Variants in SLC4A4 observed in about 807,000 individuals in gnomAD.
SLC4A4 encodes the protein electrogenic sodium bicarbonate cotransporter 1.
Under a neutral mutation model 111.5 loss-of-function variants are expected in SLC4A4, and 27 were observed. That is an observed-to-expected ratio of 0.24 (90% CI 0.18 to 0.33). The LOEUF (loss-of-function observed/expected upper bound fraction) is 0.33. SLC4A4 is among the 10% of genes least tolerant of loss of function. The pLI, the probability that SLC4A4 is intolerant of heterozygous loss-of-function variation, is 1.00. For synonymous variants in SLC4A4, 443 were observed against 463.4 expected, an observed-to-expected ratio of 0.96 and a Z score of 0.57; for missense variants, 909 against 1,315.5, an observed-to-expected ratio of 0.69 and a Z score of 4.78.
intron 3 of SLC4A4, among the ~76,000 whole-genome samples, chr4:71,338,334 C>G (rs964836586): frequency 7.2e-5 from 11 of 152,054 alleles, no homozygotes; most frequent in African/African-American, 2.4e-4. Flanking sequence ...TATATTTCTA[C>G]AAATTTATAT....
chr4:71,182,012 A>G (rs189196167), intron 2 of SLC4A4, among the ~76,000 whole-genome samples: 136 of 152,318 alleles, frequency 8.9e-4, no homozygotes, highest in African/African-American at 3.2e-3. Context: ...CATAGCATTT[A>G]TCACTTCATT....
At chr4:71,403,043 C>T (rs1025117009) in intron 7 of SLC4A4, among the ~76,000 whole-genome samples, 7 of 152,108 alleles carry the variant, frequency 4.6e-5, no homozygotes, top group South Asian at 2.1e-4. Flanking sequence ...GTTGCATCTC[C>T]GCATTTATTA....
At chr4:71,081,419 A>G (rs1741990094) in intron 1 of SLC4A4, among the ~76,000 whole-genome samples, 1 of 152,132 alleles carries the variant, frequency 6.6e-6, no homozygotes, top group Admixed American at 6.5e-5. Flanking sequence ...GAAAACTGTG[A>G]TGCTGTCACA....
intron 16 of SLC4A4, among the ~76,000 whole-genome samples, chr4:71,505,600 G>A (rs549454422): frequency 2.2e-4 from 34 of 151,700 alleles, no homozygotes; most frequent in Admixed American, 9.2e-4. Flanking sequence ...GACCTTTGTC[G>A]GATACATAGT....
chr4:71,304,629 G>T (rs1347817008), intron 3 of SLC4A4, among the ~76,000 whole-genome samples: 5 of 152,178 alleles, frequency 3.3e-5, no homozygotes, highest in African/African-American at 1.2e-4. Flanking sequence ...AAAATTAATT[G>T]TCACATAATT....
chr4:71,236,983 G>A (rs1040498882), intron 2 of SLC4A4, among the ~76,000 whole-genome samples: 4 of 152,294 alleles, frequency 2.6e-5, no homozygotes, highest in African/African-American at 9.6e-5. Flanking sequence ...AAAGCTGCTC[G>A]ATTTATATAA....
At chr4:71,423,584 C>G (rs559552601) in intron 7 of SLC4A4, among the ~76,000 whole-genome samples, 20 of 152,254 alleles carry the variant, frequency 1.3e-4, no homozygotes, top group Admixed American at 5.9e-4. Context: ...TACCTGACTT[C>G]AAACTATACT....
intron 7 of SLC4A4, among the ~76,000 whole-genome samples, chr4:71,416,845 C>T (rs542905582): frequency 3.9e-5 from 6 of 152,030 alleles, no homozygotes; most frequent in Non-Finnish European, 8.8e-5. Context: ...GCTGTTCTCC[C>T]AAAGAAAGAC....
chr4:71,441,368 C>T (rs1577911382), intron 8 of SLC4A4, among the ~76,000 whole-genome samples: 1 of 152,176 alleles, frequency 6.6e-6, no homozygotes, highest in Non-Finnish European at 1.5e-5. Flanking sequence ...TGAAACTGAG[C>T]TCCACAGAGT....
chr4:71,123,276 T>A (rs28635004), intron 2 of SLC4A4, among the ~76,000 whole-genome samples: 4,373 of 152,244 alleles, frequency 0.029, 81 homozygotes, highest in Middle Eastern at 0.058. Flanking sequence ...TTGAATGCTT[T>A]TAAAATGAAT....
intron 1 of SLC4A4, among the ~76,000 whole-genome samples, chr4:71,078,718 G>A (rs185267940): frequency 9.2e-5 from 14 of 152,220 alleles, no homozygotes; most frequent in African/African-American, 2.4e-4. Flanking sequence ...GGAAGGGCTC[G>A]GTCGTAAAAC....
intron 16 of SLC4A4, among the ~76,000 whole-genome samples, chr4:71,525,953 G>C (rs920981248): frequency 6.6e-6 from 1 of 151,880 alleles, no homozygotes; most frequent in Non-Finnish European, 1.5e-5. Flanking sequence ...GGCCCAAAGA[G>C]AGCAGTTCTT....
chr4:71,363,286 G>A (rs1730964084), intron 6 of SLC4A4, among the ~76,000 whole-genome samples: 1 of 152,196 alleles, frequency 6.6e-6, no homozygotes, highest in African/African-American at 2.4e-5. Flanking sequence ...GGCTCTTGCT[G>A]CATTGGATCT....
chr4:71,151,760 A>G (rs1323688788), intron 2 of SLC4A4, among the ~76,000 whole-genome samples: 8 of 151,232 alleles, frequency 5.3e-5, no homozygotes, highest in African/African-American at 1.9e-4. Flanking sequence ...TTCTACTAAA[A>G]AAAAAAAAAA....
chr4:71,468,603 C>T (rs1727593439), intron 13 of SLC4A4, among the ~76,000 whole-genome samples: 1 of 151,942 alleles, frequency 6.6e-6, no homozygotes, highest in Non-Finnish European at 1.5e-5. Context: ...TTATTTTAAT[C>T]TCAATGCTAT....
intron 6 of SLC4A4, among the ~76,000 whole-genome samples, chr4:71,384,314 A>G (rs937495422): frequency 2.0e-5 from 3 of 152,172 alleles, no homozygotes; most frequent in Non-Finnish European, 4.4e-5. Flanking sequence ...TTTGGTCTAC[A>G]GTGTCTTCAG....
intron 2 of SLC4A4, among the ~76,000 whole-genome samples, chr4:71,169,823 G>A (rs1744886040): frequency 6.6e-6 from 1 of 152,142 alleles, no homozygotes; most frequent in Non-Finnish European, 1.5e-5. Flanking sequence ...TTGATCATGT[G>A]CCACCCTTGT....
chr4:71,455,836 G>C (rs1726212044), intron 12 of SLC4A4, among the ~76,000 whole-genome samples: 1 of 152,120 alleles, frequency 6.6e-6, no homozygotes, highest in African/African-American at 2.4e-5. Flanking sequence ...AGTCTGTTCA[G>C]ATCTGTTTTG....
At chr4:71,207,640 G>A (rs1717849302) in intron 1 of SLC4A4, among the ~76,000 whole-genome samples, 1 of 152,184 alleles carries the variant, frequency 6.6e-6, no homozygotes, top group African/African-American at 2.4e-5. Context: ...TGGAAGTGAT[G>A]CAAAATTTGC....
Sources: gnomAD v4.1 joint callset for allele counts (sites outside exome capture counted in the v4.1 genomes callset) on GRCh38, gnomAD v4.1.1 for gene constraint, MANE v1.5 for transcripts, NCBI Gene and HGNC (gene_info 2026-07-23, HGNC 2026-07-21) for gene names.